Variants in ADORA2B observed in about 807,000 individuals in gnomAD.
ADORA2B encodes adenosine receptor A2b.
Under a neutral mutation model 20.8 loss-of-function variants are expected in ADORA2B, and 18 were observed. That is an observed-to-expected ratio of 0.87 (90% CI 0.60 to 1.29). ADORA2B has a LOEUF of 1.29. Among genes scored for constraint, ADORA2B ranks in the 50% most tolerant of loss-of-function variants. The pLI is 0.00. For missense variants in ADORA2B, 441 were observed against 422.7 expected, an observed-to-expected ratio of 1.04 and a Z score of -0.38; for synonymous variants, 179 against 178.3, an observed-to-expected ratio of 1.00 and a Z score of -0.03.
chr17:15,851,556 C>T, the ADORA2B span, among the ~76,000 whole-genome samples: 1 of 152,140 alleles, frequency 6.6e-6, no homozygotes, highest in Admixed American at 6.5e-5. Context: ...GCCTTCCCAG[C>T]CATGCTTGCC....
chr17:15,897,940 T>TATTTCTCCAAAACTTACTCAAAATATTTC, the ADORA2B span, among the ~76,000 whole-genome samples: 40 of 152,252 alleles, frequency 2.6e-4, no homozygotes, highest in Non-Finnish European at 4.6e-4. Flanking sequence ...ATATTGAATG[T>TATTTCTCCAAAACTTACTCAAAATATTTC]AAATATTTCT....
the ADORA2B span, among the ~76,000 whole-genome samples, chr17:15,922,255 G>C: frequency 6.6e-6 from 1 of 152,162 alleles, no homozygotes; most frequent in Non-Finnish European, 1.5e-5. Flanking sequence ...AGGCAAATGT[G>C]AGTAGCATCA....
chr17:15,921,738 C>T, the ADORA2B span, among the ~76,000 whole-genome samples: 1 of 152,090 alleles, frequency 6.6e-6, no homozygotes, highest in East Asian at 1.9e-4. Flanking sequence ...AGAGGTAAAA[C>T]TTCCAAAGCT....
the ADORA2B span, among the ~76,000 whole-genome samples, chr17:15,872,888 C>G: frequency 2.0e-5 from 3 of 152,192 alleles, 1 homozygote; most frequent in South Asian, 4.2e-4. Context: ...ATCCGGATAC[C>G]CTTTATTTAT....
chr17:15,933,972 G>A, the ADORA2B span, among the ~76,000 whole-genome samples: 62 of 151,992 alleles, frequency 4.1e-4, no homozygotes, highest in Non-Finnish European at 6.6e-4. Flanking sequence ...CATTGAATAC[G>A]CTATATTAGC....
At chr17:15,883,515 C>G in the ADORA2B span, among the ~76,000 whole-genome samples, 3 of 152,148 alleles carry the variant, frequency 2.0e-5, no homozygotes, top group Admixed American at 2.0e-4. Context: ...ACCCACAACT[C>G]CTGAATTATG....
chr17:15,918,192 A>G, the ADORA2B span, among the ~76,000 whole-genome samples: 1 of 152,274 alleles, frequency 6.6e-6, no homozygotes, highest in South Asian at 2.1e-4. Context: ...TTACAGGGGC[A>G]GGAATCCTTC....
chr17:15,938,496 G>C, the ADORA2B span, among the ~76,000 whole-genome samples: 1 of 152,056 alleles, frequency 6.6e-6, no homozygotes, highest in Non-Finnish European at 1.5e-5. Flanking sequence ...TAGAGACGAG[G>C]TTTCATCATG....
chr17:15,850,553 C>T, the ADORA2B span: 1 of 158,810 alleles, frequency 6.3e-6, no homozygotes, highest in Non-Finnish European at 1.5e-5. Flanking sequence ...TAAATGTTCC[C>T]ATCTCTTTTC....
the ADORA2B span, among the ~76,000 whole-genome samples, chr17:15,916,050 A>G: frequency 1.3e-5 from 2 of 152,210 alleles, no homozygotes; most frequent in Non-Finnish European, 2.9e-5. Context: ...ACGGGTCACT[A>G]ACCAGTCAGC....
chr17:15,932,624 A>G, the ADORA2B span, among the ~76,000 whole-genome samples: 1 of 151,988 alleles, frequency 6.6e-6, no homozygotes, highest in Non-Finnish European at 1.5e-5. Context: ...ATTTTTGTAT[A>G]TGACTTGAGG....
Position 15,973,611 on chromosome 17 carries a change from T to C in ADORA2B, c.336-1068T>C, listed in dbSNP as rs374769699. On this transcript the variant is annotated intron_variant, in intron 1 of 1. Transcript: ENST00000304222. Reference sequence around the variant, plus strand: ...TCGATTCTCATAGGAGCTAACCCTATTGTGAACTGTGCACGCAGGGGATCT... The same window carrying C: ...TCGATTCTCATAGGAGCTAACCCTACTGTGAACTGTGCACGCAGGGGATCT... 5.3e-5 allele frequency among the ~76,000 whole-genome samples: 8 copies of C among 152,306 alleles called. No individual in the cohort carries two copies. The East Asian group carries it at 9.6e-4, about 18-fold the overall frequency.
chr17:15,964,438 C>G (rs964596212), intron 1 of ADORA2B, among the ~76,000 whole-genome samples: 1 of 151,246 alleles, frequency 6.6e-6, no homozygotes, highest in African/African-American at 2.4e-5. Flanking sequence ...GAAACCCTGT[C>G]TCTACTAAAA....
the ADORA2B span, among the ~76,000 whole-genome samples, chr17:15,925,326 G>A: frequency 6.6e-5 from 10 of 152,170 alleles, no homozygotes; most frequent in South Asian, 4.2e-4. Flanking sequence ...GTGAGCCACC[G>A]TGCCCAGCCT....
the ADORA2B span, chr17:15,908,527 C>T: frequency 6.0e-6 from 1 of 167,740 alleles, no homozygotes. Flanking sequence ...GTCCCCCATG[C>T]ACTTCCCCTG....
the ADORA2B span, among the ~76,000 whole-genome samples, chr17:15,939,234 G>A: frequency 6.6e-6 from 1 of 152,020 alleles, no homozygotes; most frequent in African/African-American, 2.4e-5. Context: ...TAGAGACAGG[G>A]TTTCACTCTG....
chr17:15,945,057 T>G, upstream of ADORA2B: 10 of 368,784 alleles, frequency 2.7e-5, no homozygotes, highest in East Asian at 9.2e-5. Flanking sequence ...CGCGGGCCAA[T>G]GGGTGCCGCC....
the ADORA2B span, among the ~76,000 whole-genome samples, chr17:15,895,018 A>G: frequency 2.6e-5 from 4 of 152,138 alleles, no homozygotes; most frequent in Non-Finnish European, 5.9e-5. Context: ...GCAGGCTAGA[A>G]TCAGGAAAGA....
At chr17:15,960,602 T>C (rs1224453308) in intron 1 of ADORA2B, among the ~76,000 whole-genome samples, 1 of 141,976 alleles carries the variant, frequency 7.0e-6, no homozygotes, top group African/African-American at 2.7e-5. Flanking sequence ...CCGGGCGCGG[T>C]GGCTCATGCC....
Sources: allele counts gnomAD v4.1 joint callset (sites outside exome capture counted in the v4.1 genomes callset), GRCh38; gene constraint gnomAD v4.1.1; transcripts MANE v1.5; gene names NCBI Gene and HGNC (gene_info 2026-07-23, HGNC 2026-07-21).